Variants in FOXJ3 observed in about 807,000 individuals in gnomAD.
The protein encoded by FOXJ3 is forkhead box J3, also known as forkhead box protein J3.
FOXJ3 carries 22 observed loss-of-function variants against 76.1 expected under a neutral mutation model. The ratio of observed to expected loss-of-function variants is 0.29; its 90% CI spans 0.21 to 0.41. The LOEUF (loss-of-function observed/expected upper bound fraction) is 0.41. Among genes scored for constraint, FOXJ3 ranks in the 10% least tolerant of loss-of-function variants. The pLI is 1.00. For missense variants in FOXJ3, 613 were observed against 762.1 expected, an observed-to-expected ratio of 0.80 and a Z score of 2.30; for synonymous variants, 269 against 261.2, an observed-to-expected ratio of 1.03 and a Z score of -0.29.
intron 8 of FOXJ3, among the ~76,000 whole-genome samples, chr1:42,192,090 GA>G (rs1237294734): frequency 6.6e-6 from 1 of 152,198 alleles, no homozygotes; most frequent in African/African-American, 2.4e-5. Context: ...AATGTTCGGG[GA>G]AAAGTGGGAA....
intron 5 of FOXJ3, among the ~76,000 whole-genome samples, chr1:42,212,937 G>C (rs997799227): frequency 9.4e-6 from 1 of 105,898 alleles, no homozygotes; most frequent in Non-Finnish European, 1.8e-5. Context: ...ATAACTGTCA[G>C]CCAAGAATTT....
intron 5 of FOXJ3, among the ~76,000 whole-genome samples, chr1:42,210,758 G>C (rs1206478571): frequency 6.6e-6 from 1 of 152,066 alleles, no homozygotes; most frequent in Non-Finnish European, 1.5e-5. Context: ...CCCCATCAGA[G>C]CTGGTGCTGG....
At chr1:42,185,994 G>C (rs1440814702) in intron 11 of FOXJ3, among the ~76,000 whole-genome samples, 1 of 152,094 alleles carries the variant, frequency 6.6e-6, no homozygotes, top group South Asian at 2.1e-4. Context: ...ACAACATTGG[G>C]TAAGTCACTT....
chr1:42,190,128 T>C (rs1646513675), intron 9 of FOXJ3, among the ~76,000 whole-genome samples: 1 of 152,226 alleles, frequency 6.6e-6, no homozygotes, highest in Admixed American at 6.5e-5. Context: ...ATAATCTGTA[T>C]GTCAGCAAAC....
In FOXJ3 at chr1:42,265,283, C is replaced by A. The variant is rs552301911; in HGVS notation, c.370-94G>T. The stretch of plus-strand genomic sequence containing the variant: ...AATTAGAAATCTAAACATCTTTATG[C>A]TTTGCAAAACAATTACAAATGGAAT... On this transcript the variant is annotated intron_variant, in intron 3 of 12. Coordinates refer to ENST00000361346, the MANE Select transcript of FOXJ3 (RefSeq NM_014947.5). The A allele has an allele frequency of 1.8e-4, 111 of 625,684 alleles. 2 individuals carry two copies. The South Asian group carries it at 2.4e-3, about 14-fold the overall frequency. 38.8% of individuals were successfully genotyped at this position (625,684 alleles called of 1,614,324 possible).
chr1:42,254,899 G>T (rs1363303631), intron 4 of FOXJ3, among the ~76,000 whole-genome samples: 2 of 150,614 alleles, frequency 1.3e-5, no homozygotes, highest in African/African-American at 4.9e-5. Flanking sequence ...CACCAGCATG[G>T]CACATGTACA....
chr1:42,189,690 CCA>C (rs750067132), intron 9 of FOXJ3: 10 of 303,192 alleles, frequency 3.3e-5, no homozygotes, highest in Non-Finnish European at 1.9e-5. Context: ...CTTCTAACCT[CCA>C]GTCTAGCAGT....
At chr1:42,264,651 C>T (rs143031816) in intron 4 of FOXJ3, among the ~76,000 whole-genome samples, 2 of 152,150 alleles carry the variant, frequency 1.3e-5, no homozygotes, top group South Asian at 2.1e-4. Flanking sequence ...ATAGAAAAAA[C>T]GCTAAAAACG....
rs1321263415 is a variant in FOXJ3, at chr1:42,199,238, G to A, written c.631-8C>T. 1 of 1,601,760 alleles carries A rather than the reference G, an allele frequency of 6.2e-7. No homozygotes were observed. The highest frequency in any genetic ancestry group is 1.3e-5 in the African/African-American group (1 of 74,216). ...AGTGTTATACAATGTTACCTAAAAT[G>A]AAAAAAGAAAAATGACAATTGAATA... On this transcript the variant is annotated splice_region_variant and splice_polypyrimidine_tract_variant and intron_variant, in intron 6 of 12. Coordinates refer to ENST00000361346, the MANE Select transcript of FOXJ3 (RefSeq NM_014947.5).
chr1:42,238,238 T>C (rs942840836), intron 4 of FOXJ3, among the ~76,000 whole-genome samples: 7 of 152,242 alleles, frequency 4.6e-5, no homozygotes, highest in African/African-American at 1.4e-4. Context: ...TTTCACCACA[T>C]TGGCCAGGCT....
intron 2 of FOXJ3, among the ~76,000 whole-genome samples, chr1:42,281,189 C>T (rs1463050614): frequency 8.3e-6 from 1 of 120,972 alleles, no homozygotes; most frequent in Non-Finnish European, 1.8e-5. Flanking sequence ...GTGTAAAGAG[C>T]TATGTTACAG....
intron 4 of FOXJ3, among the ~76,000 whole-genome samples, chr1:42,237,474 A>G (rs1569997081): frequency 6.9e-6 from 1 of 144,612 alleles, no homozygotes; most frequent in African/African-American, 2.6e-5. Context: ...ATACATATAT[A>G]TGTATATATA....
At chr1:42,282,833 A>C (rs1963185) in intron 2 of FOXJ3, among the ~76,000 whole-genome samples, 111,205 of 151,992 alleles carry the variant, frequency 0.73, 40,869 homozygotes, top group Admixed American at 0.8. Flanking sequence ...GTATAAATAC[A>C]CCTATCACAG....
rs1399275301 is a variant in FOXJ3, at chr1:42,254,661, G to A, written c.444+10454C>T. Among the ~76,000 whole-genome samples the A allele has an allele frequency of 2.4e-4, 33 of 135,330 alleles. No individual in the cohort carries two copies. The Admixed American group carries it at 2.6e-3, about 11-fold the overall frequency. The allele number at this position is 135,330 out of a possible 152,430, so 88.8% of individuals were successfully genotyped here. On this transcript the variant is annotated intron_variant, in intron 4 of 12. Coordinates refer to ENST00000361346, the MANE Select transcript of FOXJ3 (RefSeq NM_014947.5). ...TAAAAATGATGAGTTCACGTCCTTT[G>A]TAGGGACATGGATGAAATTGGAAAT...
At chr1:42,288,634 G>A (rs1049138228) in intron 2 of FOXJ3, among the ~76,000 whole-genome samples, 1 of 152,166 alleles carries the variant, frequency 6.6e-6, no homozygotes, top group South Asian at 2.1e-4. Flanking sequence ...TCAAAGTGTG[G>A]TCCAGAGACC....
At chr1:42,248,228 T>TTATA (rs1344114993) in intron 4 of FOXJ3, among the ~76,000 whole-genome samples, 2 of 152,114 alleles carry the variant, frequency 1.3e-5, no homozygotes, top group African/African-American at 4.8e-5. Context: ...AACTACTGAA[T>TTATA]TATACACTTT....
intron 1 of FOXJ3, among the ~76,000 whole-genome samples, chr1:42,316,294 T>G (rs892181315): frequency 9.0e-5 from 13 of 144,180 alleles, no homozygotes; most frequent in Admixed American, 2.2e-4. Context: ...TCAGCCTTCC[T>G]AGTACCTGGG....
chr1:42,328,903 G>C (rs1655997797), intron 1 of FOXJ3, among the ~76,000 whole-genome samples: 1 of 152,068 alleles, frequency 6.6e-6, no homozygotes, highest in South Asian at 2.1e-4. Context: ...CTGACCTCAA[G>C]TGATCCGCCT....
intron 6 of FOXJ3, among the ~76,000 whole-genome samples, chr1:42,202,825 C>T (rs1569850457): frequency 6.6e-6 from 1 of 152,116 alleles, no homozygotes; most frequent in Non-Finnish European, 1.5e-5. Context: ...GGTGAGCCAC[C>T]ACACCCAGTC....
Sources: gnomAD v4.1 joint callset for allele counts (sites outside exome capture counted in the v4.1 genomes callset) on GRCh38, gnomAD v4.1.1 for gene constraint, MANE v1.5 for transcripts, NCBI Gene and HGNC (gene_info 2026-07-23, HGNC 2026-07-21) for gene names.